Variants in CERT1 observed in about 807,000 individuals in gnomAD.
The protein encoded by CERT1 is ceramide transporter 1.
In CERT1, 31 loss-of-function variants were observed where a neutral mutation model predicts 87.9. That is an observed-to-expected ratio of 0.35 (90% CI 0.27 to 0.48). CERT1 has a LOEUF of 0.48. Among genes scored for constraint, CERT1 ranks in the 20% least tolerant of loss-of-function variants. The pLI, the probability that CERT1 is intolerant of heterozygous loss-of-function variation, is 0.99. For synonymous variants in CERT1, 289 were observed against 250.9 expected, an observed-to-expected ratio of 1.15 and a Z score of -1.44; for missense variants, 487 against 758.0, an observed-to-expected ratio of 0.64 and a Z score of 4.20.
At chr5:75,443,210 T>C (rs1249744697) in intron 3 of CERT1, among the ~76,000 whole-genome samples, 2 of 152,212 alleles carry the variant, frequency 1.3e-5, no homozygotes, top group Non-Finnish European at 2.9e-5. Flanking sequence ...TATTCTCGTT[T>C]TGTTGATTTC....
intron 3 of CERT1, among the ~76,000 whole-genome samples, chr5:75,427,831 C>T (rs550380119): frequency 2.6e-5 from 4 of 151,962 alleles, no homozygotes; most frequent in African/African-American, 9.6e-5. Flanking sequence ...ACTTAGAGAT[C>T]AACAGTGAAA....
At chr5:75,389,199 A>T (rs2112030698) in intron 12 of CERT1, among the ~76,000 whole-genome samples, 1 of 152,328 alleles carries the variant, frequency 6.6e-6, no homozygotes, top group Non-Finnish European at 1.5e-5. Flanking sequence ...AGGAGGGTAT[A>T]GACCAAAAAG....
intron 2 of CERT1, among the ~76,000 whole-genome samples, chr5:75,476,474 G>C (rs983684262): frequency 6.6e-6 from 1 of 152,048 alleles, no homozygotes; most frequent in African/African-American, 2.4e-5. Flanking sequence ...ATTAACCTCA[G>C]AGCCGCTCTT....
downstream of CERT1, chr5:75,373,860 GA>G: frequency 2.6e-6 from 1 of 380,886 alleles, no homozygotes. Context: ...TAAAAATTCT[GA>G]AAAAGTATCC....
chr5:75,439,500 T>C (rs1764229938), intron 3 of CERT1, among the ~76,000 whole-genome samples: 1 of 152,058 alleles, frequency 6.6e-6, no homozygotes, highest in Non-Finnish European at 1.5e-5. Flanking sequence ...AAAAATTACC[T>C]AGCTGTTAAT....
chr5:75,486,867 T>C (rs934935213), intron 2 of CERT1, among the ~76,000 whole-genome samples: 1 of 152,134 alleles, frequency 6.6e-6, no homozygotes. Context: ...CACATATTCA[T>C]GGACTGGAAG....
Position 75,403,566 on chromosome 5 carries a change from T to C in CERT1, c.931-508A>G, listed in dbSNP as rs546367814. On this transcript the variant is annotated intron_variant, in intron 8 of 16. Transcript: ENST00000643780. ...AGACTTATGACAGAGACAACAGAGATATAAAATTGCAATGAGGTAAGTAAA... is the reference window on the plus strand; with the variant it reads ...AGACTTATGACAGAGACAACAGAGACATAAAATTGCAATGAGGTAAGTAAA... 7.9e-5 allele frequency among the ~76,000 whole-genome samples: 12 copies of C among 152,324 alleles called. No homozygotes were observed. The South Asian group carries it at 2.5e-3, about 32-fold the overall frequency.
chr5:75,408,781 T>TA (rs200505131), intron 8 of CERT1, among the ~76,000 whole-genome samples: 39 of 146,886 alleles, frequency 2.7e-4, no homozygotes, highest in East Asian at 9.9e-4. Context: ...TAAAATAAAA[T>TA]AAAAAAAAAA....
chr5:75,496,226 GAAATGC>G (rs1767059697), intron 2 of CERT1, among the ~76,000 whole-genome samples: 1 of 150,978 alleles, frequency 6.6e-6, no homozygotes, highest in Non-Finnish European at 1.5e-5. Flanking sequence ...AGTCATTAGG[GAAATGC>G]AAATGGAAAC....
In CERT1 at chr5:75,426,468, C is replaced by A. The variant is rs780750076; in HGVS notation, c.359G>T (p.Gly120Val). The A allele has an allele frequency of 1.9e-5, 31 of 1,609,668 alleles. No individual in the cohort carries two copies. The highest frequency in any genetic ancestry group is 2.1e-5 in the Non-Finnish European group (25 of 1,177,088). ...DAIEQHKTES[G>V]YGSESSLRRH... is the part of the protein sequence containing the mutation. Reference sequence around the variant, plus strand: ...ACGCAAGCTGGATTCAGATCCATATCCAGATTCAGTCTAAAAAAAAAAGTA... The same window carrying A: ...ACGCAAGCTGGATTCAGATCCATATACAGATTCAGTCTAAAAAAAAAAGTA... Residue 120 changes from glycine (G) to valine (V), a missense_variant, in exon 4 of 17, where the codon GGA (glycine) becomes GTA (valine). Gly to Val is a moderately radical substitution (Grantham distance 109). Around this residue, in one of 8 missense-constraint regions of CERT1, gnomAD observed 173 missense variants for 302.2 expected, o/e 0.57. Transcript: ENST00000643780.
At chr5:75,424,937 AC>A (rs1212889184) in intron 5 of CERT1, among the ~76,000 whole-genome samples, 3 of 151,876 alleles carry the variant, frequency 2.0e-5, no homozygotes, top group African/African-American at 7.3e-5. Flanking sequence ...ACATAGTGAG[AC>A]CCCCGTCTCT....
intron 17 of CERT1, chr5:75,372,537 A>C (rs1011209600): frequency 6.6e-6 from 1 of 152,216 alleles, no homozygotes; most frequent in Non-Finnish European, 1.5e-5. Flanking sequence ...TTTTTCTATA[A>C]GGCATATTCC....
intron 2 of CERT1, among the ~76,000 whole-genome samples, chr5:75,459,402 T>C (rs2112311890): frequency 6.6e-6 from 1 of 152,326 alleles, no homozygotes; most frequent in Non-Finnish European, 1.5e-5. Context: ...TTGTCACATA[T>C]GCTACAAACA....
intron 2 of CERT1, among the ~76,000 whole-genome samples, chr5:75,469,145 C>T (rs570570290): frequency 3.2e-4 from 49 of 152,008 alleles, no homozygotes; most frequent in African/African-American, 1.2e-3. Flanking sequence ...AACAGAAATA[C>T]TGGAGCTGAA....
chr5:75,506,972 A>C (rs1767678522), intron 1 of CERT1, among the ~76,000 whole-genome samples: 1 of 152,198 alleles, frequency 6.6e-6, no homozygotes, highest in Non-Finnish European at 1.5e-5. Flanking sequence ...TAAGTATAGA[A>C]AAATCTCAAA....
At chr5:75,483,746 A>G (rs1284674201) in intron 2 of CERT1, among the ~76,000 whole-genome samples, 2 of 152,174 alleles carry the variant, frequency 1.3e-5, no homozygotes, top group Admixed American at 1.3e-4. Context: ...ATATCCTTCA[A>G]ACATGATGGA....
chr5:75,496,090 C>T (rs574623135), intron 2 of CERT1, among the ~76,000 whole-genome samples: 5 of 152,034 alleles, frequency 3.3e-5, no homozygotes, highest in African/African-American at 7.2e-5. Flanking sequence ...ACCTGACAAA[C>T]GTTACGGTAT....
rs1409172971 is a variant in CERT1, at chr5:75,428,347, T to G, written c.349-1869A>C. On this transcript the variant is annotated intron_variant, in intron 3 of 16. Transcript: ENST00000643780. ...ATTTGCAATAAAATGGAAGCAAATTTACAAAGAAAAGAGGAGACTCTGAAC... is the reference window on the plus strand; with the variant it reads ...ATTTGCAATAAAATGGAAGCAAATTGACAAAGAAAAGAGGAGACTCTGAAC... Among the ~76,000 whole-genome samples the G allele has an allele frequency of 3.3e-5, 5 of 152,210 alleles. No individual in the cohort carries two copies. In the East Asian group the frequency reaches 9.7e-4, roughly 29 times the overall value.
At chr5:75,461,010 G>A (rs932756955) in intron 2 of CERT1, among the ~76,000 whole-genome samples, 5 of 152,120 alleles carry the variant, frequency 3.3e-5, no homozygotes, top group African/African-American at 7.2e-5. Context: ...AAGCGATAAC[G>A]TCCAACATTC....
Sources: gnomAD v4.1 joint callset for allele counts (sites outside exome capture counted in the v4.1 genomes callset) on GRCh38, gnomAD v4.1.1 for gene constraint, gnomAD v4.1.1 regional missense constraint, MANE v1.5 for transcripts, NCBI Gene and HGNC (gene_info 2026-07-23, HGNC 2026-07-21) for gene names.